NFS1: variants seen among roughly 807,000 people sequenced by gnomAD.
NFS1 encodes NFS1 cysteine desulfurase, also known as cysteine desulfurase.
NFS1 carries 26 observed loss-of-function variants against 57.3 expected under a neutral mutation model. The observed-to-expected ratio is 0.45, with a 90% confidence interval of 0.33 to 0.63. NFS1 has a LOEUF of 0.63. Among genes scored for constraint, NFS1 ranks in the 20% least tolerant of loss-of-function variants. NFS1 has a pLI of 0.02. For synonymous variants in NFS1, 209 were observed against 216.3 expected, an observed-to-expected ratio of 0.97 and a Z score of 0.30; for missense variants, 505 against 605.8, an observed-to-expected ratio of 0.83 and a Z score of 1.75.
chr20:35,690,412 C>T lies in NFS1; in HGVS notation c.561+1G>A. The T allele has an allele frequency of 6.2e-7, 1 of 1,612,792 alleles. No homozygotes were observed. Among genetic ancestry groups the T allele is most frequent in the Non-Finnish European group, 8.5e-7 (1 of 1,179,796 alleles). ...CTCCTCCTGCCAATAGCCACTCCTA[C>T]CTTTAGGTCAATGATCCCACTCTTC... On this transcript the variant is annotated splice_donor_variant, in intron 5 of 12. Coordinates refer to ENST00000374092, the MANE Select transcript of NFS1 (RefSeq NM_021100.5). LOFTEE classifies it high-confidence loss of function.
chr20:35,680,705 C>G, intron 7 of NFS1, 32 bp downstream of exon 7: 1 of 1,471,088 alleles, frequency 6.8e-7, no homozygotes, highest in Non-Finnish European at 9.0e-7. Context: ...CTGGAAGGTA[C>G]AGAGAGAAGG....
Position 35,675,140 on chromosome 20 carries a change from C to G in NFS1, c.853G>C (p.Gly285Arg). The part of the protein sequence containing the change: ...RVRVEALQSG[G>R]GQERGMRSGT... ...GACCGCATACCCCGCTCCTGCCCCC[C>G]TCCACTCTGCAGGGCCTCCACACGC... Residue 285 changes from glycine to arginine, a missense_variant, in exon 8 of 13, where the codon GGG becomes CGG. By Grantham distance (125) the Gly-to-Arg change is moderately radical (BLOSUM62 -2). Coordinates refer to ENST00000374092, the MANE Select transcript of NFS1 (RefSeq NM_021100.5). 1 of 1,613,950 alleles carries G rather than the reference C, an allele frequency of 6.2e-7. No individual in the cohort carries two copies. Among genetic ancestry groups the G allele is most frequent in the Non-Finnish European group, 8.5e-7 (1 of 1,180,002 alleles).
At chr20:35,697,831 G>T in intron 2 of NFS1, 31 bp from the exon 3 acceptor site, 3 of 1,495,162 alleles carry the variant, frequency 2.0e-6, no homozygotes, top group Non-Finnish European at 2.8e-6. Flanking sequence ...CATTTTCCTT[G>T]AGCGCATCGT....
chr20:35,676,776 A>C (rs1291524933), intron 7 of NFS1, among the ~76,000 whole-genome samples: 1 of 149,076 alleles, frequency 6.7e-6, no homozygotes, highest in African/African-American at 2.5e-5. Context: ...AAAAAAAAAA[A>C]AAAAAAAAAC....
At chr20:35,681,440 G>A (rs1053924609) in intron 6 of NFS1, among the ~76,000 whole-genome samples, 4 of 152,244 alleles carry the variant, frequency 2.6e-5, no homozygotes, top group African/African-American at 9.6e-5. Flanking sequence ...GCTCACGCCT[G>A]TAATCCCAGC....
chr20:35,674,289 T>C, intron 10 of NFS1, 61 bp downstream of exon 10: 3 of 1,338,710 alleles, frequency 2.2e-6, no homozygotes, highest in East Asian at 2.3e-5. Flanking sequence ...GGAAGTTTAA[T>C]AGCCTGTATG....
chr20:35,683,790 C>CAAAAAAA (rs151037025), intron 5 of NFS1, among the ~76,000 whole-genome samples: 10 of 53,996 alleles, frequency 1.9e-4, no homozygotes, highest in East Asian at 6.0e-4. Flanking sequence ...GACTCCATCT[C>CAAAAAAA]AAAAAAAAAA....
chr20:35,698,923 G>A, intron 1 of NFS1: 4 of 1,309,026 alleles, frequency 3.1e-6, no homozygotes, highest in Non-Finnish European at 9.7e-7. Context: ...CTGCACGGGA[G>A]CCCGGAGCAG....
At chr20:35,686,350 C>CAA (rs55861739) in intron 5 of NFS1, among the ~76,000 whole-genome samples, 4 of 69,474 alleles carry the variant, frequency 5.8e-5, no homozygotes, top group South Asian at 4.3e-4. Flanking sequence ...AACTCCATCT[C>CAA]AAAAAAAAAA....
intron 7 of NFS1, chr20:35,676,119 C>G (rs2034738132): frequency 6.7e-6 from 1 of 149,196 alleles, no homozygotes; most frequent in South Asian, 2.1e-4. Context: ...AACCCCTTCT[C>G]CACTAAAAAT....
At chr20:35,696,543 G>C (rs2035137002) in intron 3 of NFS1, 83 bp from the exon 4 acceptor site, 7 of 977,608 alleles carry the variant, frequency 7.2e-6, no homozygotes, top group South Asian at 4.0e-5. Flanking sequence ...CAGCCCTGGA[G>C]CAAGAAGAGC....
chr20:35,693,967 A>AT (rs2035086306), intron 4 of NFS1, among the ~76,000 whole-genome samples: 1 of 151,976 alleles, frequency 6.6e-6, no homozygotes. Flanking sequence ...ATCTCAAAAA[A>AT]AAATAAATAA....
At chr20:35,672,715 T>C (rs773270632) in intron 12 of NFS1, 40 bp downstream of exon 12, 1 of 1,383,182 alleles carries the variant, frequency 7.2e-7, no homozygotes, top group East Asian at 2.3e-5. Flanking sequence ...GAGACAGTGC[T>C]AGAGTTTCTT....
intron 5 of NFS1, among the ~76,000 whole-genome samples, chr20:35,685,932 C>A (rs1434222724): frequency 4.8e-5 from 7 of 144,896 alleles, no homozygotes; most frequent in African/African-American, 1.8e-4. Flanking sequence ...TGAATTCTTT[C>A]TTTATTTTTT....
rs368087815 is a variant in NFS1, at chr20:35,687,568, G to A, written c.561+2845C>T. On this transcript the variant is annotated intron_variant, in intron 5 of 12. Transcript: ENST00000374092. ...TGTCTTGTATCCAATAAATATCAGC[G>A]CAGGCTGGCATTCGGGGCCACTACC... Among the ~76,000 whole-genome samples the A allele has an allele frequency of 4.5e-4, 68 of 152,194 alleles. 3 individuals are homozygous for A. The South Asian group carries it at 6.2e-3, about 14-fold the overall frequency.
At chr20:35,689,076 C>T (rs1159186173) in intron 5 of NFS1, among the ~76,000 whole-genome samples, 1 of 152,176 alleles carries the variant, frequency 6.6e-6, no homozygotes, top group African/African-American at 2.4e-5. Flanking sequence ...GGATGAGAAG[C>T]ATCAGTGCAG....
intron 12 of NFS1, among the ~76,000 whole-genome samples, chr20:35,672,401 C>T (rs2034671624): frequency 6.6e-6 from 1 of 152,198 alleles, no homozygotes; most frequent in South Asian, 2.1e-4. Flanking sequence ...AGGGATGCGC[C>T]ACCACTCCCG....
intron 4 of NFS1, among the ~76,000 whole-genome samples, chr20:35,695,930 C>T (rs965882805): frequency 2.0e-5 from 3 of 152,070 alleles, no homozygotes; most frequent in Non-Finnish European, 4.4e-5. Flanking sequence ...CTCCCAGCTA[C>T]TCTGGAGGCT....
At chr20:35,698,420 T>C in intron 2 of NFS1, 61 bp downstream of exon 2, 1 of 1,249,580 alleles carries the variant, frequency 8.0e-7, no homozygotes, top group Non-Finnish European at 1.1e-6. Context: ...GCCATTTCTT[T>C]GCGTGATCAC....
Sources: allele counts gnomAD v4.1 joint callset (sites outside exome capture counted in the v4.1 genomes callset), GRCh38; gene constraint gnomAD v4.1.1; transcripts MANE v1.5; gene names NCBI Gene and HGNC (gene_info 2026-07-23, HGNC 2026-07-21).